TTC17: variants seen among roughly 807,000 people sequenced by gnomAD.
The protein encoded by TTC17 is tetratricopeptide repeat domain 17, also known as tetratricopeptide repeat protein 17.
A neutral mutation model predicts 143.8 loss-of-function variants in TTC17; 58 were observed. The ratio of observed to expected loss-of-function variants is 0.40; its 90% CI spans 0.33 to 0.50. The LOEUF is 0.50. TTC17 is among the 20% of genes least tolerant of loss of function. TTC17 has a pLI of 0.49. For missense variants in TTC17, 1,273 were observed against 1,392.5 expected, an observed-to-expected ratio of 0.91 and a Z score of 1.37; for synonymous variants, 501 against 497.8, an observed-to-expected ratio of 1.01 and a Z score of -0.09.
intron 16 of TTC17, among the ~76,000 whole-genome samples, chr11:43,438,739 A>C (rs1947347543): frequency 6.6e-6 from 1 of 151,936 alleles, no homozygotes; most frequent in Admixed American, 6.6e-5. Context: ...TGAATCTAGC[A>C]CTCATCTTTC....
In TTC17 at chr11:43,391,576, A is replaced by G; in HGVS notation, c.531A>G (p.Arg177=). The G allele has an allele frequency of 6.5e-7, 1 of 1,542,986 alleles. No individual in the cohort carries two copies. The highest frequency in any genetic ancestry group is 8.7e-7 in the Non-Finnish European group (1 of 1,148,250). Residue 177 remains arginine (R), a splice_region_variant and synonymous_variant, in exon 4 of 24, where the codon AGA becomes AGG. Coordinates refer to ENST00000039989, the MANE Select transcript of TTC17 (RefSeq NM_018259.6). ...PYSIHAFQHL[R]GVQERVNLSA... ...GTATACATGCTTTTCAGCACTTGAG[A>G]GTAAGTAGAGAACTTTAGGATTTTT...
At chr11:43,447,047 C>T (rs1018473802) in intron 18 of TTC17, among the ~76,000 whole-genome samples, 2 of 152,096 alleles carry the variant, frequency 1.3e-5, no homozygotes, top group Non-Finnish European at 2.9e-5. Flanking sequence ...AGGCCAGATG[C>T]AGTGGCTCAC....
chr11:43,490,462 G>A (rs1485927856), intron 22 of TTC17, 104 bp downstream of exon 22: 2 of 1,452,936 alleles, frequency 1.4e-6, no homozygotes, highest in Non-Finnish European at 1.8e-6. Flanking sequence ...CAGCCAGTGA[G>A]GACATATTCC....
intron 9 of TTC17, 33 bp from the exon 10 acceptor site, chr11:43,401,413 T>A: frequency 6.8e-7 from 1 of 1,460,202 alleles, no homozygotes; most frequent in Non-Finnish European, 9.5e-7. Flanking sequence ...TTGACCTTGC[T>A]CATCATTTGT....
At chr11:43,362,009 T>C (rs1032348300) in intron 1 of TTC17, among the ~76,000 whole-genome samples, 5 of 151,566 alleles carry the variant, frequency 3.3e-5, no homozygotes, top group African/African-American at 1.2e-4. Flanking sequence ...AGATGGAGTT[T>C]TGCTCTTGTT....
intron 16 of TTC17, chr11:43,436,190 AACAGCC>A (rs1391566184): frequency 3.5e-5 from 50 of 1,437,428 alleles, no homozygotes; most frequent in Non-Finnish European, 4.5e-5. Context: ...AACCCTGGAC[AACAGCC>A]ATGACAAACA....
chr11:43,403,163 A>C (rs986236091), intron 10 of TTC17, among the ~76,000 whole-genome samples: 2 of 152,214 alleles, frequency 1.3e-5, no homozygotes, highest in Non-Finnish European at 2.9e-5. Context: ...GGGGATGTTT[A>C]GAAATGAAAT....
intron 13 of TTC17, 105 bp downstream of exon 13, chr11:43,406,056 G>A: frequency 7.6e-7 from 1 of 1,318,622 alleles, no homozygotes; most frequent in Non-Finnish European, 1.0e-6. Context: ...TGAGCTTTAA[G>A]TGTATAAAAT....
At chr11:43,488,682 T>C (rs1948420509) in intron 21 of TTC17, among the ~76,000 whole-genome samples, 1 of 152,046 alleles carries the variant, frequency 6.6e-6, no homozygotes, top group Non-Finnish European at 1.5e-5. Flanking sequence ...GTAGGGGAAA[T>C]GGTGAAATAT....
intron 7 of TTC17, 119 bp from the exon 8 acceptor site, chr11:43,397,855 A>C (rs1025923725): frequency 7.3e-7 from 1 of 1,376,884 alleles, no homozygotes; most frequent in Non-Finnish European, 9.8e-7. Flanking sequence ...AAATCATTAG[A>C]GGATTTGGAC....
At chr11:43,384,004 G>C (rs1590332945) in intron 2 of TTC17, among the ~76,000 whole-genome samples, 1 of 151,964 alleles carries the variant, frequency 6.6e-6, no homozygotes, top group South Asian at 2.1e-4. Context: ...AATTAGCTGG[G>C]CATGGTGGCA....
At chr11:43,425,175 C>G (rs1343739650) in intron 16 of TTC17, among the ~76,000 whole-genome samples, 1 of 152,110 alleles carries the variant, frequency 6.6e-6, no homozygotes, top group Non-Finnish European at 1.5e-5. Flanking sequence ...ATGATTCTAG[C>G]TGGGCTTGGT....
At chr11:43,381,201 A>G (rs1002152722) in intron 2 of TTC17, among the ~76,000 whole-genome samples, 1 of 152,198 alleles carries the variant, frequency 6.6e-6, no homozygotes, top group Admixed American at 6.5e-5. Flanking sequence ...TTTTGTTTAT[A>G]CTTATACTAT....
intron 16 of TTC17, among the ~76,000 whole-genome samples, chr11:43,415,006 G>A (rs1416381288): frequency 6.6e-6 from 1 of 152,180 alleles, no homozygotes; most frequent in African/African-American, 2.4e-5. Context: ...ACTAAAATAT[G>A]TGGTATATTC....
At chr11:43,433,908 A>G (rs572713539) in intron 16 of TTC17, among the ~76,000 whole-genome samples, 2 of 152,310 alleles carry the variant, frequency 1.3e-5, no homozygotes, top group Admixed American at 6.5e-5. Flanking sequence ...TTATATCCCA[A>G]TTAAGAATTG....
rs1407274441 is a variant in TTC17 at position 43,401,518 on chromosome 11, A to G, written c.1292A>G (p.Tyr431Cys). Residue 431 changes from tyrosine (Y) to cysteine (C), a missense_variant, in exon 10 of 24, where the codon TAT becomes TGT. Coordinates refer to ENST00000039989, the MANE Select transcript of TTC17 (RefSeq NM_018259.6). The part of the protein sequence containing the change: ...LHCQWDQPVR[Y>C]HRGDIFENVD... Reference sequence around the variant, plus strand: ...TGCCAGTGGGACCAGCCTGTACGCTATCATCGTGGAGATATCTTTGAAAAT... The same window carrying G: ...TGCCAGTGGGACCAGCCTGTACGCTGTCATCGTGGAGATATCTTTGAAAAT... 6 of 1,613,458 alleles carry G rather than the reference A, an allele frequency of 3.7e-6. No homozygotes were observed. Among genetic ancestry groups the G allele is most frequent in the African/African-American group, 1.3e-5 (1 of 74,926 alleles).
intron 3 of TTC17, chr11:43,390,135 C>T: frequency 5.7e-6 from 1 of 176,618 alleles, no homozygotes; most frequent in Non-Finnish European, 1.2e-5. Flanking sequence ...AGCGAGACCC[C>T]ATCTCTACAA....
At chr11:43,471,048 C>CG (rs1948082520) in intron 21 of TTC17, among the ~76,000 whole-genome samples, 1 of 152,224 alleles carries the variant, frequency 6.6e-6, no homozygotes, top group Non-Finnish European at 1.5e-5. Flanking sequence ...TTGTCACTAA[C>CG]TGTCAGCAGT....
intron 10 of TTC17, 68 bp downstream of exon 10, chr11:43,401,626 T>C (rs1590360174): frequency 7.2e-6 from 8 of 1,105,678 alleles, no homozygotes; most frequent in Non-Finnish European, 1.0e-5. Context: ...AAACTTTTGT[T>C]TTTCCTCTTG....
Sources: gnomAD v4.1 joint callset for allele counts (sites outside exome capture counted in the v4.1 genomes callset) on GRCh38, gnomAD v4.1.1 for gene constraint, MANE v1.5 for transcripts, NCBI Gene and HGNC (gene_info 2026-07-23, HGNC 2026-07-21) for gene names.